Variants in TTC17 observed in about 807,000 individuals in gnomAD.
The protein encoded by TTC17 is tetratricopeptide repeat domain 17, also known as tetratricopeptide repeat protein 17.
In TTC17, 58 loss-of-function variants were observed where a neutral mutation model predicts 143.8. The ratio of observed to expected loss-of-function variants is 0.40; its 90% confidence interval spans 0.33 to 0.50. The LOEUF is 0.50. Among genes scored for constraint, TTC17 ranks in the 20% least tolerant of loss-of-function variants. TTC17 has a pLI of 0.49. For missense variants in TTC17, 1,273 were observed against 1,392.5 expected (o/e 0.91, Z 1.37); for synonymous variants, 501 against 497.8 (o/e 1.01, Z -0.09).
chr11:43,386,169 CA>C (rs768438986), intron 2 of TTC17, among the ~76,000 whole-genome samples: 1,465 of 109,672 alleles, frequency 0.013, 14 homozygotes, highest in African/African-American at 0.043. Context: ...TTTCAATGTA[CA>C]AAAAAAAAAA....
intron 16 of TTC17, among the ~76,000 whole-genome samples, chr11:43,422,527 A>G (rs1946930291): frequency 6.6e-6 from 1 of 152,194 alleles, no homozygotes; most frequent in Non-Finnish European, 1.5e-5. Flanking sequence ...TTACTAGGGT[A>G]TTCTAGCCAA....
At chr11:43,406,466 GAGTGTTTTATT>G (rs1858138796) in intron 13 of TTC17, among the ~76,000 whole-genome samples, 3 of 151,254 alleles carry the variant, frequency 2.0e-5, no homozygotes, top group Non-Finnish European at 4.4e-5. Flanking sequence ...ATATAACTAC[GAGTGTTTTATT>G]ACTGTATATT....
At chr11:43,444,251 G>A (rs774517848) in intron 18 of TTC17, 42 bp downstream of exon 18, 1 of 1,560,512 alleles carries the variant, frequency 6.4e-7, no homozygotes, top group South Asian at 1.2e-5. Flanking sequence ...TGTTTTAGAT[G>A]TCACTATCTC....
intron 15 of TTC17, among the ~76,000 whole-genome samples, chr11:43,410,843 T>G (rs1413808283): frequency 1.3e-5 from 2 of 152,224 alleles, no homozygotes; most frequent in African/African-American, 2.4e-5. Context: ...CTTCATACCT[T>G]TCTCCTGTTC....
intron 21 of TTC17, among the ~76,000 whole-genome samples, chr11:43,470,462 A>T (rs188121695): frequency 7.2e-5 from 11 of 152,336 alleles, no homozygotes; most frequent in Non-Finnish European, 1.6e-4. Context: ...TGGCTTGGCT[A>T]TAAGAACCGT....
chr11:43,475,697 A>G (rs933067172), intron 21 of TTC17, among the ~76,000 whole-genome samples: 2 of 152,192 alleles, frequency 1.3e-5, no homozygotes, highest in Admixed American at 1.3e-4. Context: ...TGAAAGTCCA[A>G]AATGTTCCAA....
chr11:43,452,973 A>G (rs999709621), intron 21 of TTC17, among the ~76,000 whole-genome samples: 2 of 152,184 alleles, frequency 1.3e-5, no homozygotes, highest in Non-Finnish European at 2.9e-5. Flanking sequence ...AAGCAAAAAT[A>G]TAAAAACACA....
intron 21 of TTC17, among the ~76,000 whole-genome samples, chr11:43,453,804 G>A (rs1046457126): frequency 1.3e-5 from 2 of 152,164 alleles, no homozygotes; most frequent in African/African-American, 4.8e-5. Flanking sequence ...AATACCATAG[G>A]TCGAAATGCA....
intron 23 of TTC17, among the ~76,000 whole-genome samples, chr11:43,492,987 G>A (rs1374972450): frequency 1.3e-5 from 2 of 152,220 alleles, no homozygotes; most frequent in East Asian, 1.9e-4. Flanking sequence ...TTCATGTATC[G>A]TTCTTGACTT....
intron 22 of TTC17, 151 bp from the exon 23 acceptor site, chr11:43,491,869 G>T: frequency 1.1e-6 from 1 of 907,234 alleles, no homozygotes; most frequent in Admixed American, 2.4e-5. Context: ...ATCTATCACA[G>T]ACCAGTAGCA....
intron 16 of TTC17, among the ~76,000 whole-genome samples, chr11:43,430,709 G>GCACACACACACACA (rs10658685): frequency 0.017 from 2,410 of 138,476 alleles, 37 homozygotes; most frequent in Non-Finnish European, 0.023. Flanking sequence ...CTACATACAC[G>GCACACACACACACA]CACACACACA....
chr11:43,419,501 TAC>T (rs1421247605), intron 16 of TTC17, among the ~76,000 whole-genome samples: 3 of 152,326 alleles, frequency 2.0e-5, no homozygotes, highest in South Asian at 2.1e-4. Flanking sequence ...AAAGCAATTT[TAC>T]AGAGTTCAGA....
chr11:43,449,893 A>G, intron 19 of TTC17, 189 bp from the exon 20 acceptor site: 1 of 629,720 alleles, frequency 1.6e-6, no homozygotes, highest in Non-Finnish European at 2.7e-6. Flanking sequence ...GGTATTTATC[A>G]CCACTTATAT....
At chr11:43,405,198 T>G (rs1347016571) in intron 11 of TTC17, among the ~76,000 whole-genome samples, 1 of 151,484 alleles carries the variant, frequency 6.6e-6, no homozygotes, top group East Asian at 2.0e-4. Context: ...TGGAACAACA[T>G]GATTTTTTGT....
rs1435813045 is a variant in TTC17, at chr11:43,391,241, T to TA, written c.420-216dup. Among the ~76,000 whole-genome samples the TA allele has an allele frequency of 7.8e-4, 118 of 151,748 alleles. 1 individual carries two copies. The highest frequency in any genetic ancestry group is 2.6e-3 in the African/African-American group (108 of 41,294). Reference sequence around the variant, plus strand: ...TAGTGAGACCTGTCTCAACAAAAAGTAAAAAAAATTAACTGATTGTGGTGG... The same window carrying TA: ...TAGTGAGACCTGTCTCAACAAAAAGTAAAAAAAAATTAACTGATTGTGGTGG... On this transcript the variant is annotated intron_variant, in intron 3 of 23. Coordinates refer to ENST00000039989, the MANE Select transcript of TTC17 (RefSeq NM_018259.6).
chr11:43,389,598 A>G lies in TTC17; in HGVS notation c.250-54A>G, dbSNP rs1431963882. 18 of 1,505,286 alleles carry G rather than the reference A, an allele frequency of 1.2e-5. No individual in the cohort carries two copies. The African/African-American group carries it at 1.6e-4, about 13-fold the overall frequency. 93.2% of individuals were successfully genotyped at this position (1,505,286 alleles called of 1,614,324 possible). A position where few individuals can be genotyped will look rare whatever the true frequency, so the allele number is the denominator to read the frequency against. On this transcript the variant is annotated intron_variant, in intron 2 of 23. Coordinates refer to ENST00000039989, the MANE Select transcript of TTC17 (RefSeq NM_018259.6). ...CAGATTCCCCTTTCTCTTCAATGGT[A>G]GTTAGACTAAAATATTAGAAGAATC...
chr11:43,409,495 C>T (rs1458559198), intron 15 of TTC17, among the ~76,000 whole-genome samples: 2 of 152,168 alleles, frequency 1.3e-5, no homozygotes, highest in Non-Finnish European at 2.9e-5. Flanking sequence ...AAATAACTGC[C>T]AATTTTTTTG....
intron 21 of TTC17, among the ~76,000 whole-genome samples, chr11:43,484,397 C>A (rs191741013): frequency 1.6e-4 from 25 of 152,222 alleles, no homozygotes; most frequent in Admixed American, 6.5e-4. Context: ...ATAAATCTTA[C>A]AAAAGTTATC....
rs1176601697 is a variant in TTC17, at chr11:43,439,887, A to G, written c.2252-3438A>G. The stretch of plus-strand genomic sequence containing the variant: ...CCTGGAATAGGCTTCATCTCAGTAA[A>G]GGATGTGAACTCATATAAACCTCAC... On this transcript the variant is annotated intron_variant, in intron 16 of 23. Coordinates refer to ENST00000039989, the MANE Select transcript of TTC17 (RefSeq NM_018259.6). 2.6e-5 allele frequency among the ~76,000 whole-genome samples: 4 copies of G among 152,216 alleles called. No individual in the cohort carries two copies. The East Asian group carries it at 5.8e-4, about 22-fold the overall frequency.
Sources: gnomAD v4.1 joint callset for allele counts (sites outside exome capture counted in the v4.1 genomes callset) on GRCh38, gnomAD v4.1.1 for gene constraint, MANE v1.5 for transcripts, NCBI Gene and HGNC (gene_info 2026-07-23, HGNC 2026-07-21) for gene names.